Variants in MID1 observed in about 807,000 individuals in gnomAD.
MID1 encodes E3 ubiquitin-protein ligase Midline-1.
MID1 carries 7 observed loss-of-function variants against 40.4 expected under a neutral mutation model. That is an observed-to-expected ratio of 0.17 (90% CI 0.10 to 0.33). MID1 has a LOEUF of 0.33. Among genes scored for constraint, MID1 ranks in the 10% least tolerant of loss-of-function variants. The pLI is 1.00. For missense variants in MID1, 367 were observed against 558.5 expected (o/e 0.66, Z 3.46); for synonymous variants, 229 against 221.2 (o/e 1.04, Z -0.31).
At chrX:10,764,528 T>A (rs2147122618) in intron 1 of MID1, among the ~76,000 whole-genome samples, 1 of 112,248 alleles carries the variant, frequency 8.9e-6, no homozygotes, top group Admixed American at 9.4e-5. Context: ...ACATTTCATG[T>A]AAATATCTCT....
chrX:10,636,247 C>T (rs1340631877), intron 1 of MID1, among the ~76,000 whole-genome samples: 1 of 111,844 alleles, frequency 8.9e-6, no homozygotes, highest in Non-Finnish European at 1.9e-5. Flanking sequence ...AAAAATTAGC[C>T]AGTGCCAGTA....
intron 1 of MID1, among the ~76,000 whole-genome samples, chrX:10,587,283 C>G (rs750378092): frequency 8.9e-6 from 1 of 112,720 alleles, no homozygotes; most frequent in Non-Finnish European, 1.9e-5. Flanking sequence ...ACCACACATC[C>G]GCGTGAGGAT....
At chrX:10,717,368 A>G (rs1157444997) in intron 1 of MID1, among the ~76,000 whole-genome samples, 1 of 86,933 alleles carries the variant, frequency 1.2e-5, no homozygotes, top group Non-Finnish European at 2.1e-5. Context: ...AGCAAATGGA[A>G]AAAAAAAAAA....
Position 10,471,760 on chromosome X carries a change from T to C in MID1, c.1142-1920A>G, listed in dbSNP as rs183435596. 9.8e-5 allele frequency among the ~76,000 whole-genome samples: 11 copies of C among 112,538 alleles called. No individual in the cohort carries two copies. The East Asian group carries it at 3.1e-3, about 31-fold the overall frequency. On this transcript the variant is annotated intron_variant, in intron 6 of 9. Coordinates refer to ENST00000317552, the MANE Select transcript of MID1 (RefSeq NM_000381.4). ...ACTCTCTCACAATTTAAACAGTTCA[T>C]TGAATTATTTCTCCATCAACCATTG...
rs1934587490 is a variant in MID1, at chrX:10,567,242, C to T, written c.306G>A (p.Arg102=). 8.3e-7 allele frequency: 1 copy of T among 1,207,487 alleles called. No individual in the cohort carries two copies. The highest frequency in any genetic ancestry group is 1.1e-6 in the Non-Finnish European group (1 of 893,480). ...SGPNSPSETR[R]ERAFDANTMT... The stretch of plus-strand genomic sequence containing the variant: ...TGGTGTTGGCGTCAAAGGCCCGCTC[C>T]CGACGGGTCTCGCTGGGAGAGTTGG... Residue 102 remains arginine, a synonymous_variant, in exon 2 of 10, where the codon CGG becomes CGA. Coordinates refer to ENST00000317552, the MANE Select transcript of MID1 (RefSeq NM_000381.4).
At chrX:10,764,343 A>G (rs1341379825) in intron 1 of MID1, among the ~76,000 whole-genome samples, 1 of 111,528 alleles carries the variant, frequency 9.0e-6, no homozygotes, top group Non-Finnish European at 1.9e-5. Flanking sequence ...TAATTTTTAT[A>G]TAAGGTGTAA....
chrX:10,610,330 C>T lies in MID1; in HGVS notation c.-57+9960G>A, dbSNP rs190952541. On this transcript the variant is annotated intron_variant, in intron 1 of 9. Coordinates refer to ENST00000317552, the MANE Select transcript of MID1 (RefSeq NM_000381.4). ...GATTTTTAATACAGATACATCCGCC[C>T]CATACAAACTGATGAACACAACGTT... Among the ~76,000 whole-genome samples the T allele has an allele frequency of 3.6e-5, 4 of 112,243 alleles. No individual in the cohort carries two copies. In the Admixed American group the frequency reaches 3.8e-4, roughly 11 times the overall value.
intron 1 of MID1, among the ~76,000 whole-genome samples, chrX:10,606,698 A>G (rs1437027662): frequency 8.9e-6 from 1 of 111,939 alleles, no homozygotes; most frequent in East Asian, 2.8e-4. Context: ...GGTATGCATG[A>G]AGTTTGCTTT....
chrX:10,775,780 T>C (rs1235936777), intron 1 of MID1, among the ~76,000 whole-genome samples: 9 of 111,333 alleles, frequency 8.1e-5, no homozygotes, highest in Non-Finnish European at 3.8e-5. Flanking sequence ...TGTCAGCATA[T>C]ATATTAAGAT....
At chrX:10,816,322 G>T (rs190066659) in intron 1 of MID1, among the ~76,000 whole-genome samples, 1 of 111,778 alleles carries the variant, frequency 8.9e-6, no homozygotes, top group East Asian at 2.8e-4. Context: ...CTTTCTTCAC[G>T]CATTCACTGT....
At chrX:10,805,356 T>G (rs2044037501) in intron 1 of MID1, among the ~76,000 whole-genome samples, 1 of 105,696 alleles carries the variant, frequency 9.5e-6, no homozygotes, top group Admixed American at 1.0e-4. Context: ...TTACTGAGAA[T>G]GATGATTTCC....
At chrX:10,457,467 A>C (rs1306357798) in intron 8 of MID1, among the ~76,000 whole-genome samples, 1 of 112,540 alleles carries the variant, frequency 8.9e-6, no homozygotes, top group Non-Finnish European at 1.9e-5. Flanking sequence ...TTACTTTACT[A>C]AATAATTCAA....
At chrX:10,567,963 A>G (rs888358584) in intron 1 of MID1, among the ~76,000 whole-genome samples, 2 of 112,261 alleles carry the variant, frequency 1.8e-5, no homozygotes, top group Non-Finnish European at 3.8e-5. Flanking sequence ...AACCTCGCAC[A>G]GAAAATTAAA....
chrX:10,548,582 G>A (rs1051028774), intron 2 of MID1, among the ~76,000 whole-genome samples: 3 of 111,784 alleles, frequency 2.7e-5, no homozygotes, highest in African/African-American at 6.5e-5. Context: ...ACATAGATAC[G>A]AAGTAATTGC....
intron 1 of MID1, among the ~76,000 whole-genome samples, chrX:10,696,574 C>T (rs1480340266): frequency 8.9e-6 from 1 of 112,003 alleles, no homozygotes; most frequent in Non-Finnish European, 1.9e-5. Flanking sequence ...CTAAGTCTTT[C>T]TTCTGAGGAA....
intron 1 of MID1, among the ~76,000 whole-genome samples, chrX:10,677,026 G>A (rs756524317): frequency 9.0e-6 from 1 of 111,512 alleles, no homozygotes; most frequent in African/African-American, 3.3e-5. Context: ...TCAGCTAGAC[G>A]CTTCCCAAAT....
chrX:10,784,020 T>C (rs1243508128), intron 1 of MID1, among the ~76,000 whole-genome samples: 14 of 111,780 alleles, frequency 1.3e-4, no homozygotes, highest in African/African-American at 4.6e-4. Flanking sequence ...AAAATATTTA[T>C]TTTTTATAAA....
intron 3 of MID1, among the ~76,000 whole-genome samples, chrX:10,498,757 C>A (rs1931392154): frequency 8.9e-6 from 1 of 112,353 alleles, no homozygotes; most frequent in Non-Finnish European, 1.9e-5. Flanking sequence ...ATAATGTTTT[C>A]AAGGTTCATC....
intron 5 of MID1, chrX:10,475,066 G>A (rs754740943): frequency 2.8e-4 from 97 of 348,857 alleles, no homozygotes; most frequent in Non-Finnish European, 4.5e-4. Flanking sequence ...AGTCTGGCCC[G>A]GTCACGTCTA....
Sources: gnomAD v4.1 joint callset for allele counts (sites outside exome capture counted in the v4.1 genomes callset) on GRCh38, gnomAD v4.1.1 for gene constraint, MANE v1.5 for transcripts, NCBI Gene and HGNC (gene_info 2026-07-23, HGNC 2026-07-21) for gene names.